Variants in SGCZ observed in about 807,000 individuals in gnomAD.
SGCZ encodes the protein zeta-sarcoglycan.
Under a neutral mutation model 41.3 loss-of-function variants are expected in SGCZ, and 40 were observed. The ratio of observed to expected loss-of-function variants is 0.97; its 90% confidence interval spans 0.75 to 1.26. SGCZ has a LOEUF of 1.26. Among genes scored for constraint, SGCZ ranks in the 50% most tolerant of loss-of-function variants. The probability of loss-of-function intolerance (pLI) is 0.00; values close to 1 mark genes in which losing one functional copy is unlikely to be tolerated. For missense variants in SGCZ, 552 were observed against 369.8 expected (o/e 1.49, Z -4.04); for synonymous variants, 206 against 137.5 (o/e 1.50, Z -3.49).
intron 2 of SGCZ, among the ~76,000 whole-genome samples, chr8:14,371,997 G>A (rs1803929573): frequency 6.6e-6 from 1 of 151,920 alleles, no homozygotes; most frequent in Admixed American, 6.6e-5. Flanking sequence ...AATTTATAGA[G>A]TAATCTTTAT....
intron 2 of SGCZ, among the ~76,000 whole-genome samples, chr8:14,380,632 T>A (rs1396248918): frequency 1.3e-5 from 2 of 152,224 alleles, no homozygotes; most frequent in East Asian, 3.9e-4. Context: ...GGCAGGCACA[T>A]CGTCAGGTCA....
intron 7 of SGCZ, among the ~76,000 whole-genome samples, chr8:14,094,974 G>T (rs953565379): frequency 7.0e-5 from 5 of 71,396 alleles, no homozygotes; most frequent in African/African-American, 2.4e-4. Context: ...CCCACTTTTT[G>T]ATGGTTTTTT....
intron 1 of SGCZ, among the ~76,000 whole-genome samples, chr8:15,208,891 A>C (rs965536326): frequency 1.9e-3 from 86 of 45,766 alleles, no homozygotes; most frequent in South Asian, 4.0e-3. Flanking sequence ...ACATATCCCT[A>C]TACATATATA....
chr8:14,590,528 A>T lies in SGCZ; in HGVS notation c.40-35602T>A, dbSNP rs539691229. On this transcript the variant is annotated intron_variant, in intron 1 of 7. Coordinates refer to ENST00000382080, the MANE Select transcript of SGCZ (RefSeq NM_139167.4). ...ATTCTTTAAAATTATGTTTTTTATT[A>T]TTTAATCTATTATTTCTTCTTTCTA... Among the ~76,000 whole-genome samples, 9 of 151,202 alleles carry T rather than the reference A, an allele frequency of 6.0e-5. No individual in the cohort carries two copies. The East Asian group carries it at 1.7e-3, about 29-fold the overall frequency.
intron 3 of SGCZ, among the ~76,000 whole-genome samples, chr8:14,319,235 G>C (rs1196364992): frequency 1.3e-5 from 2 of 151,904 alleles, no homozygotes; most frequent in Non-Finnish European, 2.9e-5. Context: ...AAATATAGCA[G>C]GCATCCAAGC....
intron 2 of SGCZ, among the ~76,000 whole-genome samples, chr8:14,328,284 T>A (rs1322261081): frequency 6.6e-6 from 1 of 152,212 alleles, no homozygotes; most frequent in Non-Finnish European, 1.5e-5. Context: ...ATTTTCCTGA[T>A]CCCTTCATTA....
chr8:14,624,771 A>T (rs1806399282), intron 1 of SGCZ, among the ~76,000 whole-genome samples: 1 of 151,412 alleles, frequency 6.6e-6, no homozygotes, highest in Non-Finnish European at 1.5e-5. Context: ...GGGTTTCACC[A>T]TGTTGGCCAG....
intron 4 of SGCZ, among the ~76,000 whole-genome samples, chr8:14,193,354 G>C (rs13248243): frequency 0.67 from 101,059 of 151,450 alleles, 34,151 homozygotes; most frequent in East Asian, 0.8. Context: ...TACAATGTTT[G>C]ACCATTGTTT....
intron 1 of SGCZ, among the ~76,000 whole-genome samples, chr8:14,623,360 A>C (rs1404419436): frequency 6.6e-6 from 1 of 152,202 alleles, no homozygotes; most frequent in Non-Finnish European, 1.5e-5. Flanking sequence ...TGTAATTAAA[A>C]GGAACATCTC....
chr8:14,099,296 C>G (rs779726622), intron 7 of SGCZ, among the ~76,000 whole-genome samples: 54 of 152,256 alleles, frequency 3.5e-4, no homozygotes, highest in Middle Eastern at 3.4e-3. Flanking sequence ...ACCATATAAT[C>G]CACTGGTTCT....
chr8:14,765,737 G>C (rs1450931112), intron 1 of SGCZ, among the ~76,000 whole-genome samples: 1 of 152,166 alleles, frequency 6.6e-6, no homozygotes, highest in Non-Finnish European at 1.5e-5. Flanking sequence ...GAAATGACAA[G>C]TATGGGGAGA....
At chr8:14,479,571 T>C (rs7834728) in intron 2 of SGCZ, among the ~76,000 whole-genome samples, 137,857 of 152,008 alleles carry the variant, frequency 0.91, 63,823 homozygotes, top group East Asian at 1. Flanking sequence ...GTTATCTATT[T>C]AGAGCTATCA....
chr8:14,578,784 G>A (rs1281853601), intron 1 of SGCZ, among the ~76,000 whole-genome samples: 2 of 152,072 alleles, frequency 1.3e-5, no homozygotes, highest in Non-Finnish European at 2.9e-5. Flanking sequence ...TGGCATATAA[G>A]GGTCTAGTAT....
chr8:14,397,658 T>C (rs1410131039), intron 2 of SGCZ, among the ~76,000 whole-genome samples: 1 of 152,136 alleles, frequency 6.6e-6, no homozygotes, highest in Admixed American at 6.6e-5. Flanking sequence ...ATCTCATCTT[T>C]ACAAAACACA....
chr8:14,408,709 G>A (rs1253893969), intron 2 of SGCZ, among the ~76,000 whole-genome samples: 5 of 151,954 alleles, frequency 3.3e-5, no homozygotes, highest in Non-Finnish European at 7.4e-5. Flanking sequence ...GTCCTGCATG[G>A]CATCTTATTT....
intron 5 of SGCZ, among the ~76,000 whole-genome samples, chr8:14,121,781 G>A (rs1802704067): frequency 6.6e-6 from 1 of 152,076 alleles, no homozygotes; most frequent in Admixed American, 6.5e-5. Flanking sequence ...GCAAGATGAC[G>A]TTAAATAACT....
chr8:14,430,480 G>T (rs960675243), intron 2 of SGCZ, among the ~76,000 whole-genome samples: 1 of 151,988 alleles, frequency 6.6e-6, no homozygotes, highest in Non-Finnish European at 1.5e-5. Context: ...AAAAAGCATT[G>T]GACAAAATCC....
At chr8:14,992,851 A>G (rs1802069855) in intron 1 of SGCZ, among the ~76,000 whole-genome samples, 1 of 144,960 alleles carries the variant, frequency 6.9e-6, no homozygotes, top group African/African-American at 2.6e-5. Context: ...ATCTACTCTC[A>G]AAACCAGTGT....
At chr8:14,628,304 A>C (rs1412197915) in intron 1 of SGCZ, among the ~76,000 whole-genome samples, 1 of 151,632 alleles carries the variant, frequency 6.6e-6, no homozygotes, top group African/African-American at 2.4e-5. Flanking sequence ...TGAGTTTTAA[A>C]ATTTTAATTT....
Sources: gnomAD v4.1 joint callset for allele counts (sites outside exome capture counted in the v4.1 genomes callset) on GRCh38, gnomAD v4.1.1 for gene constraint, MANE v1.5 for transcripts, NCBI Gene and HGNC (gene_info 2026-07-23, HGNC 2026-07-21) for gene names.